Variants in CCNJL observed in about 807,000 individuals in gnomAD.
CCNJL encodes cyclin J like, also known as cyclin-J-like protein.
Under a neutral mutation model 33.4 loss-of-function variants are expected in CCNJL, and 33 were observed. That is an observed-to-expected ratio of 0.99 (90% confidence interval 0.75 to 1.32). The LOEUF (loss-of-function observed/expected upper bound fraction) is 1.32. Ranked by LOEUF, CCNJL falls within the 40% of genes most tolerant of loss-of-function variation. CCNJL has a pLI of 0.00. For synonymous variants in CCNJL, 227 were observed against 220.9 expected, an observed-to-expected ratio of 1.03 and a Z score of -0.24; for missense variants, 512 against 499.7, an observed-to-expected ratio of 1.02 and a Z score of -0.23.
Position 160,259,571 on chromosome 5 carries a change from G to C in CCNJL, c.481C>G (p.Gln161Glu). ...CAGGTGTGGCAGTGGTGGTCCTTCT[G>C]GCTGACGGAGGCCAAGAGGTAGTAG... ...LDYYLLASVS[Q>E]KDHHCHTWPT... The change falls in exon 4 of 6, where the codon CAG becomes GAG. Residue 161 changes from glutamine (Q) to glutamate (E), a missense_variant. Gln to Glu is a conservative substitution (Grantham distance 29). Coordinates refer to ENST00000257536, the MANE Select transcript of CCNJL (RefSeq NM_001308173.3). 2.5e-6 allele frequency: 4 copies of C among 1,614,192 alleles called. No homozygotes were observed. The highest frequency in any genetic ancestry group is 3.4e-6 in the Non-Finnish European group (4 of 1,180,030).
chr5:160,274,070 C>T (rs1199150549), intron 3 of CCNJL, among the ~76,000 whole-genome samples: 1 of 152,168 alleles, frequency 6.6e-6, no homozygotes, highest in East Asian at 1.9e-4. Context: ...TCAGAAGAAA[C>T]TGTTCCCAGG....
intron 3 of CCNJL, among the ~76,000 whole-genome samples, chr5:160,271,797 T>G (rs1410317726): frequency 6.6e-6 from 1 of 152,262 alleles, no homozygotes; most frequent in Non-Finnish European, 1.5e-5. Context: ...AGACCTGTTC[T>G]GATTCCTGAA....
Position 160,252,026 on chromosome 5 carries a change from A to C in CCNJL, c.*1352T>G, listed in dbSNP as rs940533966. ...AGTCTCCAGGACTGGCAAGGGGCTAAGGAATCCAAGACAGGTATTCCTCAA... is the reference window on the plus strand; with the variant it reads ...AGTCTCCAGGACTGGCAAGGGGCTACGGAATCCAAGACAGGTATTCCTCAA... On this transcript the variant is annotated 3_prime_UTR_variant, in exon 6 of 6. Transcript: ENST00000257536. 1.3e-5 allele frequency: 2 copies of C among 152,446 alleles called. No individual in the cohort carries two copies. The highest frequency in any genetic ancestry group is 2.9e-5 in the Non-Finnish European group (2 of 68,048). The allele number at this position is 152,446 out of a possible 1,614,324, so 9.4% of individuals were successfully genotyped here.
intron 2 of CCNJL, among the ~76,000 whole-genome samples, chr5:160,302,896 C>CT (rs1165177372): frequency 6.6e-6 from 1 of 152,116 alleles, no homozygotes; most frequent in East Asian, 1.9e-4. Context: ...TACTACCTCT[C>CT]TGTCAAAGCA....
intron 2 of CCNJL, 43 bp from the exon 3 acceptor site, chr5:160,280,781 T>C (rs968755286): frequency 7.5e-7 from 1 of 1,327,044 alleles, no homozygotes; most frequent in Non-Finnish European, 1.1e-6. Context: ...CAGGGCTGCC[T>C]CCTGAGAGTC....
upstream of CCNJL, among the ~76,000 whole-genome samples, chr5:160,313,573 G>A (rs191972123): frequency 2.6e-5 from 4 of 152,322 alleles, no homozygotes; most frequent in African/African-American, 7.2e-5. Context: ...GCTTTGATAA[G>A]CTTCAATTGG....
At chr5:160,317,529 A>G (rs1179703401), upstream of CCNJL, among the ~76,000 whole-genome samples, 2 of 152,164 alleles carry the variant, frequency 1.3e-5, no homozygotes, top group African/African-American at 4.8e-5. Flanking sequence ...TGCATGTACT[A>G]TATCCCGTGC....
At chr5:160,266,295 G>A (rs1483487108) in intron 3 of CCNJL, among the ~76,000 whole-genome samples, 2 of 152,288 alleles carry the variant, frequency 1.3e-5, no homozygotes, top group African/African-American at 2.4e-5. Flanking sequence ...CCCAGGGGTG[G>A]AAGCCCACGC....
At chr5:160,281,169 C>T (rs1352149789) in intron 2 of CCNJL, among the ~76,000 whole-genome samples, 1 of 152,138 alleles carries the variant, frequency 6.6e-6, no homozygotes, top group Non-Finnish European at 1.5e-5. Flanking sequence ...CCTTTGTTTC[C>T]TCCTCGAGAG....
At chr5:160,314,526 T>C (rs894906181), upstream of CCNJL, among the ~76,000 whole-genome samples, 8 of 152,126 alleles carry the variant, frequency 5.3e-5, no homozygotes, top group Non-Finnish European at 1.2e-4. Context: ...ACACGAATTA[T>C]ACGGAGGGGA....
chr5:160,338,226 G>C (rs944253896), intron 1 of CCNJL, among the ~76,000 whole-genome samples: 2 of 123,518 alleles, frequency 1.6e-5, no homozygotes, highest in Middle Eastern at 4.3e-3. Flanking sequence ...GTGAAACCCC[G>C]TCTCTACAAA....
Position 160,250,764 on chromosome 5 carries a change from A to T in CCNJL, c.*2614T>A, listed in dbSNP as rs1433904269. On this transcript the variant is annotated 3_prime_UTR_variant, in exon 6 of 6. Coordinates refer to ENST00000257536, the MANE Select transcript of CCNJL (RefSeq NM_001308173.3). The stretch of plus-strand genomic sequence containing the variant: ...ACTGCCTCATGATTTAGTTTTCTAA[A>T]AAGTCTTATTAGTGCATAAAATAAT... The T allele has an allele frequency of 1.3e-5, 2 of 152,262 alleles. No individual in the cohort carries two copies. Among genetic ancestry groups the T allele is most frequent in the Admixed American group, 6.5e-5 (1 of 15,286 alleles). The allele number at this position is 152,262 out of a possible 1,614,324, so 9.4% of individuals were successfully genotyped here. A position where few individuals can be genotyped will look rare whatever the true frequency, so the allele number is the denominator to read the frequency against.
chr5:160,307,660 G>A (rs1763133199), intron 2 of CCNJL, among the ~76,000 whole-genome samples: 1 of 152,104 alleles, frequency 6.6e-6, no homozygotes, highest in African/African-American at 2.4e-5. Context: ...TTTGGTTCAG[G>A]GAAGAGGGTC....
chr5:160,315,542 T>G, upstream of CCNJL: 2 of 194,940 alleles, frequency 1.0e-5, no homozygotes, highest in Non-Finnish European at 1.3e-5. Context: ...AAGAATAAGC[T>G]GTCTTTAAGG....
At chr5:160,256,793 C>T (rs374856520) in intron 4 of CCNJL, among the ~76,000 whole-genome samples, 7 of 152,074 alleles carry the variant, frequency 4.6e-5, no homozygotes, top group African/African-American at 1.7e-4. Flanking sequence ...TGGTGGGCGC[C>T]TGTAATCCCA....
intron 2 of CCNJL, among the ~76,000 whole-genome samples, chr5:160,288,322 GAAAC>G (rs1762474983): frequency 6.6e-6 from 1 of 151,978 alleles, no homozygotes; most frequent in South Asian, 2.1e-4. Flanking sequence ...TTTCAGTTTG[GAAAC>G]AAACAAAAAG....
chr5:160,298,805 A>C (rs1185784653), intron 2 of CCNJL, among the ~76,000 whole-genome samples: 1 of 152,212 alleles, frequency 6.6e-6, no homozygotes, highest in African/African-American at 2.4e-5. Context: ...AATGAATTCA[A>C]GTTAAATGAC....
In CCNJL at chr5:160,255,668, C is replaced by T. The variant is rs749461149; in HGVS notation, c.624G>A (p.Ala208=). The T allele has an allele frequency of 1.5e-5, 25 of 1,613,906 alleles. No individual in the cohort carries two copies. In the African/African-American group the frequency reaches 1.7e-4, roughly 11 times the overall value. Residue 208 remains alanine (A), a synonymous_variant, in exon 5 of 6, where the codon GCG becomes GCA. Transcript: ENST00000257536. The part of the protein sequence containing the change: ...FYKFQPSVVA[A]ACVGASRICL... ...AAATCCTGGAGGCCCCAACACAGGC[C>T]GCAGCGACCACAGAAGGCTGGAATT...
intron 1 of CCNJL, among the ~76,000 whole-genome samples, chr5:160,327,309 G>T (rs1763550335): frequency 6.6e-6 from 1 of 152,178 alleles, no homozygotes; most frequent in Non-Finnish European, 1.5e-5. Flanking sequence ...TTTGTGTCAG[G>T]CACTGTGCTA....
Sources: allele counts gnomAD v4.1 joint callset (sites outside exome capture counted in the v4.1 genomes callset), GRCh38; gene constraint gnomAD v4.1.1; transcripts MANE v1.5; gene names NCBI Gene and HGNC (gene_info 2026-07-23, HGNC 2026-07-21).